The following PTPRF variants were observed in gnomAD, a reference collection of about 807,000 sequenced individuals.
PTPRF encodes the protein protein tyrosine phosphatase receptor type F.
Under a neutral mutation model 201.8 loss-of-function variants are expected in PTPRF, and 59 were observed. The observed-to-expected ratio is 0.29, with a 90% CI of 0.24 to 0.36. The LOEUF is 0.36. Ranked by LOEUF, PTPRF falls within the 10% of genes least tolerant of loss-of-function variation. PTPRF has a pLI of 1.00. For synonymous variants in PTPRF, 1,088 were observed against 1,089.7 expected (o/e 1.00, Z 0.03); for missense variants, 2,132 against 2,690.5 (o/e 0.79, Z 4.59).
chr1:43,562,837 G>A (rs1274500596), intron 5 of PTPRF, among the ~76,000 whole-genome samples: 2 of 152,082 alleles, frequency 1.3e-5, no homozygotes, highest in Non-Finnish European at 2.9e-5. Flanking sequence ...TGGCATTGGC[G>A]CAAATCTGGG....
At chr1:43,621,806 T>G (rs1659279023) in intron 33 of PTPRF, 129 bp from the exon 34 acceptor site, 2 of 844,986 alleles carry the variant, frequency 2.4e-6, no homozygotes, top group Non-Finnish European at 3.8e-6. Context: ...CTGCCTGATG[T>G]AGCTGCCAGG....
In PTPRF at chr1:43,620,254, A is replaced by G. The variant is rs1332016168; in HGVS notation, c.5238+33A>G. The G allele has an allele frequency of 1.9e-6, 3 of 1,611,410 alleles. No individual in the cohort carries two copies. In the Admixed American group the frequency reaches 5.0e-5, roughly 27 times the overall value. The stretch of plus-strand genomic sequence containing the variant: ...CACCCTTTCCCCCAGGGCCCCTGTC[A>G]TACCTGGGAGAACACCAGCCACCCT... On this transcript the variant is annotated intron_variant, in intron 30 of 33. Transcript: ENST00000359947.
intron 10 of PTPRF, 73 bp from the exon 11 acceptor site, chr1:43,592,384 G>A: frequency 6.5e-7 from 1 of 1,533,304 alleles, no homozygotes; most frequent in Non-Finnish European, 8.8e-7. Context: ...TCACATTGCA[G>A]CCCATGTTGG....
At chr1:43,594,590 G>A (rs7546955) in intron 11 of PTPRF, among the ~76,000 whole-genome samples, 39,493 of 151,934 alleles carry the variant, frequency 0.26, 6,078 homozygotes, top group East Asian at 0.49. Flanking sequence ...AGATGGTGGC[G>A]CAGGTGAGGT....
At chr1:43,561,354 C>T (rs1645795253) in intron 5 of PTPRF, among the ~76,000 whole-genome samples, 1 of 152,140 alleles carries the variant, frequency 6.6e-6, no homozygotes, top group Non-Finnish European at 1.5e-5. Flanking sequence ...TTCCTTCCAC[C>T]CATGGTGGAA....
chr1:43,536,390 A>C (rs1199432478), intron 1 of PTPRF, among the ~76,000 whole-genome samples: 1 of 152,058 alleles, frequency 6.6e-6, no homozygotes, highest in Non-Finnish European at 1.5e-5. Flanking sequence ...GCAAATGTTT[A>C]GTCTTCTAAA....
intron 7 of PTPRF, chr1:43,582,462 A>G (rs1647943831): frequency 6.6e-6 from 1 of 152,062 alleles, no homozygotes; most frequent in African/African-American, 2.4e-5. Context: ...CCTTCCATCT[A>G]CAGCTCTCTG....
chr1:43,617,518 C>G lies in PTPRF; in HGVS notation c.4145C>G (p.Ala1382Gly), dbSNP rs752966262. 1 of 1,613,960 alleles carries G rather than the reference C, an allele frequency of 6.2e-7. No individual in the cohort carries two copies. The highest frequency in any genetic ancestry group is 1.3e-5 in the African/African-American group (1 of 74,906). ...LEVNKPKNRY[A>G]NVIAYDHSRV... ...GTGAACAAGCCCAAGAACCGCTATG[C>G]GAATGTCATCGCCTACGACCACTCT... The change falls in exon 24 of 34, where the codon GCG becomes GGG. Residue 1382 changes from alanine to glycine, a missense_variant. Ala to Gly is a moderately conservative substitution (Grantham distance 60). This residue lies in a region of PTPRF where 818 missense variants were observed against 915.3 expected (regional missense o/e 0.89). Coordinates refer to ENST00000359947, the MANE Select transcript of PTPRF (RefSeq NM_002840.5).
intron 2 of PTPRF, 61 bp from the exon 3 acceptor site, chr1:43,544,970 G>A: frequency 1.0e-6 from 1 of 966,954 alleles, no homozygotes; most frequent in Non-Finnish European, 1.5e-6. Context: ...AGCGTCAGGG[G>A]TGGGCATTAG....
chr1:43,619,210 G>A lies in PTPRF; in HGVS notation c.4646+8G>A. On this transcript the variant is annotated splice_region_variant and intron_variant, in intron 27 of 33. Coordinates refer to ENST00000359947, the MANE Select transcript of PTPRF (RefSeq NM_002840.5). ...CATGGTGGTGCACTGCAGGTGAGAGGGTACAGTGCCACCCAGAGGGGTGGG... is the reference window on the plus strand; with the variant it reads ...CATGGTGGTGCACTGCAGGTGAGAGAGTACAGTGCCACCCAGAGGGGTGGG... 1 of 1,587,524 alleles carries A rather than the reference G, an allele frequency of 6.3e-7. No individual in the cohort carries two copies. Among genetic ancestry groups the A allele is most frequent in the Non-Finnish European group, 8.6e-7 (1 of 1,164,220 alleles).
At position 43,598,884 on chromosome 1, in the gene PTPRF, A is replaced by G. The variant is rs770807749; in HGVS notation, c.2284A>G (p.Ile762Val). 7.4e-6 allele frequency: 12 copies of G among 1,613,934 alleles called. No individual in the cohort carries two copies. The highest frequency in any genetic ancestry group is 9.3e-6 in the Non-Finnish European group (11 of 1,179,994). Residue 762 changes from isoleucine to valine, a missense_variant, in exon 13 of 34, where the codon ATC (isoleucine) becomes GTC (valine). By Grantham distance (29) the Ile-to-Val change is conservative. This residue lies in a region of PTPRF where 818 missense variants were observed against 915.3 expected (regional missense o/e 0.89). Transcript: ENST00000359947. ...TGGCGAGCCCCGTGGACTCCCCATC[A>G]TCCAAGACGTCATGCTAGCCGAGGC... is the stretch of plus-strand genomic sequence containing the variant. ...ENGEPRGLPI[I>V]QDVMLAEAQW...
intron 3 of PTPRF, among the ~76,000 whole-genome samples, chr1:43,552,634 C>T (rs1366584414): frequency 6.6e-6 from 1 of 152,116 alleles, no homozygotes; most frequent in Non-Finnish European, 1.5e-5. Context: ...GATCAGCTGT[C>T]AAGATTAACG....
intron 2 of PTPRF, among the ~76,000 whole-genome samples, 157 bp from the exon 3 acceptor site, chr1:43,544,874 G>A (rs1182780938): frequency 6.6e-6 from 1 of 152,106 alleles, no homozygotes; most frequent in East Asian, 1.9e-4. Flanking sequence ...GGGGTCAGAA[G>A]GTCTAGGTGG....
intron 3 of PTPRF, among the ~76,000 whole-genome samples, chr1:43,552,375 T>C (rs1645092791): frequency 1.3e-5 from 2 of 152,198 alleles, no homozygotes; most frequent in African/African-American, 4.8e-5. Context: ...CTCACTGGCA[T>C]GTGATCTTGG....
At chr1:43,569,844 C>A in intron 6 of PTPRF, 66 bp downstream of exon 6, 1 of 1,503,604 alleles carries the variant, frequency 6.7e-7, no homozygotes, top group Non-Finnish European at 8.9e-7. Context: ...CAGATCCCAG[C>A]ACAGCCTACT....
At chr1:43,545,693 T>C (rs1462076357) in intron 3 of PTPRF, among the ~76,000 whole-genome samples, 1 of 152,078 alleles carries the variant, frequency 6.6e-6, no homozygotes, top group East Asian at 1.9e-4. Flanking sequence ...CCTTCTCCTT[T>C]CATGGGGACC....
rs1422069418 is a variant in PTPRF at position 43,598,046 on chromosome 1, T to C, written c.2112T>C (p.Asp704=). ...GCAGCCCGGTGCTGGTGCGCACCGA[T>C]GAGGACGGTAGGCAGTGCCACCGGG... ...PESSPVLVRT[D]EDVPSGPPRK... is the part of the protein sequence containing the mutation. The change falls in exon 12 of 34, where the codon GAT becomes GAC. Residue 704 remains aspartate (D), a synonymous_variant. Transcript: ENST00000359947. 3 of 1,487,536 alleles carry C rather than the reference T, an allele frequency of 2.0e-6. No individual in the cohort carries two copies. In the South Asian group the frequency reaches 4.0e-5, roughly 20 times the overall value. 92.1% of individuals were successfully genotyped at this position (1,487,536 alleles called of 1,614,324 possible).
intron 2 of PTPRF, 21 bp downstream of exon 2, chr1:43,538,298 G>A (rs1463953115): frequency 1.8e-5 from 7 of 398,702 alleles, no homozygotes. Flanking sequence ...CCCACAGAGT[G>A]GCCAGGAGCA....
intron 11 of PTPRF, among the ~76,000 whole-genome samples, chr1:43,596,422 T>C (rs1442650118): frequency 6.6e-6 from 1 of 151,500 alleles, no homozygotes; most frequent in Non-Finnish European, 1.5e-5. Flanking sequence ...TGACAGAACT[T>C]GAAGAGGAAA....
Sources: gnomAD v4.1 joint callset for allele counts (sites outside exome capture counted in the v4.1 genomes callset) on GRCh38, gnomAD v4.1.1 for gene constraint, gnomAD v4.1.1 regional missense constraint, MANE v1.5 for transcripts, NCBI Gene and HGNC (gene_info 2026-07-23, HGNC 2026-07-21) for gene names.